Variants in BAP1 observed in about 807,000 individuals in gnomAD.
The protein encoded by BAP1 is ubiquitin carboxyl-terminal hydrolase BAP1.
In BAP1, 16 loss-of-function variants were observed where a neutral mutation model predicts 77.2. That is an observed-to-expected ratio of 0.21 (90% CI 0.14 to 0.31). The LOEUF (loss-of-function observed/expected upper bound fraction) is 0.31. Ranked by LOEUF, BAP1 falls within the 10% of genes least tolerant of loss-of-function variation. The probability of loss-of-function intolerance (pLI) is 1.00; values close to 1 mark genes in which losing one functional copy is unlikely to be tolerated. For synonymous variants in BAP1, 362 were observed against 385.2 expected, an observed-to-expected ratio of 0.94 and a Z score of 0.71; for missense variants, 699 against 967.3, an observed-to-expected ratio of 0.72 and a Z score of 3.68.
At position 52,402,088 on chromosome 3, in the gene BAP1, T is replaced by G; in HGVS notation, c.*200A>C. 1 of 913,632 alleles carries G rather than the reference T, an allele frequency of 1.1e-6. No individual in the cohort carries two copies. The highest frequency in any genetic ancestry group is 1.6e-6 in the Non-Finnish European group (1 of 619,910). The allele number at this position is 913,632 out of a possible 1,614,324, so 56.6% of individuals were successfully genotyped here. ...TGCCCCAACTCCAGATGCTGCCTCC[T>G]GAGCACTATGGGGCTGATCTGCCGT... On this transcript the variant is annotated 3_prime_UTR_variant, in exon 17 of 17. Transcript: ENST00000460680. This position sits in a 1 kb window ranked among gnomAD's most constrained non-coding sequence, Gnocchi z 5.3.
chr3:52,409,368 GA>G (rs1262044746), intron 3 of BAP1, among the ~76,000 whole-genome samples, 185 bp downstream of exon 3: 1 of 152,228 alleles, frequency 6.6e-6, no homozygotes, highest in African/African-American at 2.4e-5. Flanking sequence ...AAGCGCTAAG[GA>G]AAGTTTGGGA....
At chr3:52,408,443 C>T (rs2153228250) in intron 4 of BAP1, 31 bp downstream of exon 4, 2 of 1,607,314 alleles carry the variant, frequency 1.2e-6, no homozygotes, top group Non-Finnish European at 1.7e-6. Context: ...CAGCATCCCA[C>T]CCTCCAAACA....
In BAP1 at chr3:52,402,692, A is replaced by G. The variant is rs2153226235; in HGVS notation, c.1984-18T>C. 6.2e-7 allele frequency: 1 copy of G among 1,614,140 alleles called. No homozygotes were observed. Among genetic ancestry groups the G allele is most frequent in the Non-Finnish European group, 8.5e-7 (1 of 1,179,966 alleles). ...TCATCAATCTGTAGGAGAGAAGAAG[A>G]CTGAGAGCACTGGAGCCAATCTTGC... On this transcript the variant is annotated intron_variant, in intron 15 of 16. Coordinates refer to ENST00000460680, the MANE Select transcript of BAP1 (RefSeq NM_004656.4). This position sits in a 1 kb window ranked among gnomAD's most constrained non-coding sequence, Gnocchi z 5.3.
chr3:52,402,209 A>G lies in BAP1; in HGVS notation c.*79T>C. ...CTGGGACTATTCAGTAATACTGGGA[A>G]AAGGGGAAGTGGGGCAGGGAAGGAC... is the stretch of plus-strand genomic sequence containing the variant. On this transcript the variant is annotated 3_prime_UTR_variant, in exon 17 of 17. Transcript: ENST00000460680. This position sits in a 1 kb window ranked among gnomAD's most constrained non-coding sequence, Gnocchi z 5.3. 3 of 1,552,592 alleles carry G rather than the reference A, an allele frequency of 1.9e-6. No individual in the cohort carries two copies. Among genetic ancestry groups the G allele is most frequent in the Non-Finnish European group, 2.6e-6 (3 of 1,150,364 alleles).
rs1157167073 is a variant in BAP1 at position 52,406,113 on chromosome 3, G to A, written c.783+140C>T. 2 of 1,529,900 alleles carry A rather than the reference G, an allele frequency of 1.3e-6. No homozygotes were observed. The highest frequency in any genetic ancestry group is 2.7e-5 in the African/African-American group (2 of 73,298). The allele number at this position is 1,529,900 out of a possible 1,614,324, so 94.8% of individuals were successfully genotyped here. ...AAGTCCCACCTTTCCCACAATGGGG[G>A]CAAAGAAAAGATGTGGTTAGCTGAA... is the stretch of plus-strand genomic sequence containing the variant. On this transcript the variant is annotated intron_variant, in intron 9 of 16. Transcript: ENST00000460680. The surrounding 1 kb of genome is among the most constrained non-coding windows in gnomAD (Gnocchi z 4.6).
In BAP1 at chr3:52,406,238, A is replaced by C. The variant is rs769511685; in HGVS notation, c.783+15T>G. The C allele has an allele frequency of 1.2e-4, 194 of 1,613,960 alleles. No individual in the cohort carries two copies. Among genetic ancestry groups the C allele is most frequent in the Middle Eastern group, 1.6e-4 (1 of 6,084 alleles). On this transcript the variant is annotated intron_variant, in intron 9 of 16. Coordinates refer to ENST00000460680, the MANE Select transcript of BAP1 (RefSeq NM_004656.4). The surrounding 1 kb of genome is among the most constrained non-coding windows in gnomAD (Gnocchi z 4.6). ...GGGTTGGGCTGGGCAGAGGCCAGGAAGAAAGGGCACCTACCTGCTGCAGAG... is the reference window on the plus strand; with the variant it reads ...GGGTTGGGCTGGGCAGAGGCCAGGACGAAAGGGCACCTACCTGCTGCAGAG...
chr3:52,408,654 A>G lies in BAP1; in HGVS notation c.123-48T>C, dbSNP rs143273211. On this transcript the variant is annotated intron_variant, in intron 3 of 16. Coordinates refer to ENST00000460680, the MANE Select transcript of BAP1 (RefSeq NM_004656.4). ...CCAGATCAGCCAAAGGGGAGAAGAC[A>G]ATCAGCATTCCCTTCTTTCTCCCAT... 4 of 1,582,970 alleles carry G rather than the reference A, an allele frequency of 2.5e-6. No individual in the cohort carries two copies. The South Asian group carries it at 4.6e-5, about 18-fold the overall frequency.
Position 52,403,352 on chromosome 3 carries a change from C to T in BAP1, c.1730-54G>A. On this transcript the variant is annotated intron_variant, in intron 13 of 16. Transcript: ENST00000460680. This position sits in a 1 kb window ranked among gnomAD's most constrained non-coding sequence, Gnocchi z 4.0. Reference sequence around the variant, plus strand: ...CAGAGTGCAGGACACTTTGTGGTCACTTGGCCACTTCCCTCCTCCCTCCTG... The same window carrying T: ...CAGAGTGCAGGACACTTTGTGGTCATTTGGCCACTTCCCTCCTCCCTCCTG... 1 of 1,612,308 alleles carries T rather than the reference C, an allele frequency of 6.2e-7. No individual in the cohort carries two copies. The highest frequency in any genetic ancestry group is 1.7e-5 in the Admixed American group (1 of 60,016).
At chr3:52,408,808 C>G (rs1409257147) in intron 3 of BAP1, among the ~76,000 whole-genome samples, 2 of 152,234 alleles carry the variant, frequency 1.3e-5, no homozygotes, top group Admixed American at 6.5e-5. Context: ...ACAGGCAGAG[C>G]AAAGCATAAG....
chr3:52,406,569 G>A lies in BAP1; in HGVS notation c.660-193C>T. The stretch of plus-strand genomic sequence containing the variant: ...GTACCTTCCAACAAGCTGTATGAGG[G>A]GCCTATCTGGAAGTGAACCAGCAGA... On this transcript the variant is annotated intron_variant, in intron 8 of 16. Transcript: ENST00000460680. The surrounding 1 kb of genome is among the most constrained non-coding windows in gnomAD (Gnocchi z 4.6). 1.0e-6 allele frequency: 1 copy of A among 961,372 alleles called. No individual in the cohort carries two copies. Among genetic ancestry groups the A allele is most frequent in the African/African-American group, 1.6e-5 (1 of 62,122 alleles). 59.6% of individuals were successfully genotyped at this position (961,372 alleles called of 1,614,324 possible).
Position 52,402,130 on chromosome 3 carries a change from C to T in BAP1, c.*158G>A, listed in dbSNP as rs758468463. 1.5e-5 allele frequency: 19 copies of T among 1,283,582 alleles called. No individual in the cohort carries two copies. The highest frequency in any genetic ancestry group is 6.5e-5 in the Admixed American group (3 of 46,236). 79.5% of individuals were successfully genotyped at this position (1,283,582 alleles called of 1,614,324 possible). A position where few individuals can be genotyped will look rare whatever the true frequency, so the allele number is the denominator to read the frequency against. On this transcript the variant is annotated 3_prime_UTR_variant, in exon 17 of 17. Transcript: ENST00000460680. This position sits in a 1 kb window ranked among gnomAD's most constrained non-coding sequence, Gnocchi z 5.3. ...ATCTGCCGTGTCAGGCCTCAGGGCACGATGGAAGGAATGTGGCCTGGTTCC... is the reference window on the plus strand; with the variant it reads ...ATCTGCCGTGTCAGGCCTCAGGGCATGATGGAAGGAATGTGGCCTGGTTCC...
chr3:52,406,274 T>C lies in BAP1; in HGVS notation c.762A>G (p.Thr254=), dbSNP rs1578225015. 2 of 1,614,210 alleles carry C rather than the reference T, an allele frequency of 1.2e-6. No homozygotes were observed. Among genetic ancestry groups the C allele is most frequent in the Non-Finnish European group, 1.7e-6 (2 of 1,180,026 alleles). Reference sequence around the variant, plus strand: ...CTACCTGCTGCAGAGCCTCTAGTACTGTCTGACGGTTCACCTTCAGCACAT... The same window carrying C: ...CTACCTGCTGCAGAGCCTCTAGTACCGTCTGACGGTTCACCTTCAGCACAT... ...RLHVLKVNRQ[T]VLEALQQLIR... Residue 254 remains threonine (T), a synonymous_variant, in exon 9 of 17, where the codon ACA becomes ACG. Coordinates refer to ENST00000460680, the MANE Select transcript of BAP1 (RefSeq NM_004656.4). The surrounding 1 kb of genome is among the most constrained non-coding windows in gnomAD (Gnocchi z 4.6).
At chr3:52,409,408 C>T (rs1304067294) in intron 3 of BAP1, 146 bp downstream of exon 3, 8 of 1,083,630 alleles carry the variant, frequency 7.4e-6, no homozygotes, top group Non-Finnish European at 1.0e-5. Context: ...TGATCAGGAG[C>T]GGGCACTCAG....
At chr3:52,408,673 C>A (rs2153228388) in intron 3 of BAP1, 67 bp from the exon 4 acceptor site, 1 of 1,544,484 alleles carries the variant, frequency 6.5e-7, no homozygotes, top group Non-Finnish European at 8.8e-7. Context: ...TCCCTTCTTT[C>A]TCCCATTAAT....
At position 52,405,792 on chromosome 3, in the gene BAP1, G is replaced by A. The variant is rs1172088152; in HGVS notation, c.904C>T (p.Pro302Ser). 1 of 1,613,492 alleles carries A rather than the reference G, an allele frequency of 6.2e-7. No individual in the cohort carries two copies. The highest frequency in any genetic ancestry group is 1.3e-5 in the African/African-American group (1 of 74,912). Residue 302 changes from proline to serine, a missense_variant, in exon 10 of 17, where the codon CCT becomes TCT. Pro to Ser is a moderately conservative substitution (Grantham distance 74, BLOSUM62 -1). Coordinates refer to ENST00000460680, the MANE Select transcript of BAP1 (RefSeq NM_004656.4). ...SPLVLEANRAPAASEGNHTDG... is the reference protein window; with the variant it reads ...SPLVLEANRASAASEGNHTDG... Reference sequence around the variant, plus strand: ...GTGTGGTTGCCCTCAGAGGCTGCAGGGGCCCTGTTTGCTTCCAGCACCAGC... The same window carrying A: ...GTGTGGTTGCCCTCAGAGGCTGCAGAGGCCCTGTTTGCTTCCAGCACCAGC...
intron 11 of BAP1, 45 bp from the exon 12 acceptor site, chr3:52,404,631 C>T (rs1225172636): frequency 3.1e-6 from 5 of 1,591,976 alleles, no homozygotes; most frequent in Non-Finnish European, 3.4e-6. Flanking sequence ...CTGCTCGGCC[C>T]AGGCTGAGCC....
rs769714798 is a variant in BAP1, at chr3:52,406,147, C to T, written c.783+106G>A. ...AGATGTGGTTAGCTGAAGCCCAGAT[C>T]TACAAGAGAGTATGTTCACGAATCA... On this transcript the variant is annotated intron_variant, in intron 9 of 16. Coordinates refer to ENST00000460680, the MANE Select transcript of BAP1 (RefSeq NM_004656.4). This position sits in a 1 kb window ranked among gnomAD's most constrained non-coding sequence, Gnocchi z 4.6. 5.5e-5 allele frequency: 87 copies of T among 1,592,750 alleles called. No homozygotes were observed. Among genetic ancestry groups the T allele is most frequent in the Non-Finnish European group, 6.9e-5 (81 of 1,166,120 alleles).
chr3:52,409,519 G>T (rs2153228488), intron 3 of BAP1, 35 bp downstream of exon 3: 1 of 1,613,478 alleles, frequency 6.2e-7, no homozygotes, highest in Non-Finnish European at 8.5e-7. Flanking sequence ...CAGCACTCTG[G>T]GTGTAAGGGG....
chr3:52,409,195 T>C (rs1705271080), intron 3 of BAP1, among the ~76,000 whole-genome samples: 1 of 152,220 alleles, frequency 6.6e-6, no homozygotes, highest in Non-Finnish European at 1.5e-5. Context: ...CAGGATGACT[T>C]TGTGTCAGGA....
Sources: gnomAD v4.1 joint callset for allele counts (sites outside exome capture counted in the v4.1 genomes callset) on GRCh38, gnomAD v4.1.1 for gene constraint, Gnocchi (gnomAD v3.1) non-coding constraint, MANE v1.5 for transcripts, NCBI Gene and HGNC (gene_info 2026-07-23, HGNC 2026-07-21) for gene names.